NRK: variants seen among roughly 807,000 people sequenced by gnomAD.
NRK encodes Nik related kinase, also known as nik-related protein kinase.
NRK carries 67 observed loss-of-function variants against 125.2 expected under a neutral mutation model. That is an observed-to-expected ratio of 0.54 (90% CI 0.44 to 0.66). NRK has a LOEUF of 0.66. Ranked by LOEUF, NRK falls within the 30% of genes least tolerant of loss-of-function variation. The pLI, the probability that NRK is intolerant of heterozygous loss-of-function variation, is 0.00. For synonymous variants in NRK, 458 were observed against 429.0 expected (o/e 1.07, Z -0.84); for missense variants, 1,224 against 1,192.9 (o/e 1.03, Z -0.38).
intron 2 of NRK, among the ~76,000 whole-genome samples, chrX:105,866,131 G>C (rs1194147437): frequency 9.0e-6 from 1 of 110,750 alleles, no homozygotes; most frequent in Non-Finnish European, 1.9e-5. Context: ...ATTAGTGATA[G>C]AGGAGGTTTA....
intron 5 of NRK, among the ~76,000 whole-genome samples, chrX:105,890,831 C>A (rs189443188): frequency 9.0e-6 from 1 of 111,391 alleles, no homozygotes; most frequent in Non-Finnish European, 1.9e-5. Flanking sequence ...TGAGAAACAG[C>A]CAAACCATAT....
chrX:105,908,664 C>CT (rs1182449492), intron 12 of NRK, 63 bp from the exon 13 acceptor site: 3 of 1,126,076 alleles, frequency 2.7e-6, no homozygotes, highest in Non-Finnish European at 3.5e-6. Context: ...AACAATGCCC[C>CT]TGAATGGCTC....
At chrX:105,850,503 C>T (rs2039459067) in intron 2 of NRK, among the ~76,000 whole-genome samples, 1 of 112,457 alleles carries the variant, frequency 8.9e-6, no homozygotes, top group Admixed American at 9.4e-5. Flanking sequence ...GGTTTTTCTT[C>T]TCTGCTGCAT....
chrX:105,896,251 G>T (rs190737385), intron 7 of NRK, among the ~76,000 whole-genome samples: 2 of 111,778 alleles, frequency 1.8e-5, no homozygotes, highest in East Asian at 5.6e-4. Flanking sequence ...TCAGTACATT[G>T]TAGTGGCAGA....
chrX:105,942,388 A>G (rs2147790547), intron 23 of NRK, among the ~76,000 whole-genome samples: 1 of 111,703 alleles, frequency 9.0e-6, no homozygotes, highest in South Asian at 3.8e-4. Flanking sequence ...TATCCTTGTG[A>G]GCACTTGTAA....
chrX:105,923,771 T>C (rs1424840722), intron 18 of NRK, among the ~76,000 whole-genome samples: 9 of 106,642 alleles, frequency 8.4e-5, no homozygotes, highest in Admixed American at 4.1e-4. Flanking sequence ...CATCCTACTC[T>C]ATAAAACTAT....
At chrX:105,873,306 A>C (rs2039771884) in intron 2 of NRK, among the ~76,000 whole-genome samples, 1 of 111,506 alleles carries the variant, frequency 9.0e-6, no homozygotes, top group Admixed American at 9.5e-5. Context: ...CATGGTAATT[A>C]ACTGCTGCGG....
intron 1 of NRK, among the ~76,000 whole-genome samples, chrX:105,824,200 C>A (rs2039062035): frequency 1.8e-5 from 2 of 111,754 alleles, no homozygotes; most frequent in Admixed American, 9.5e-5. Flanking sequence ...ATTATTTATG[C>A]AGCTTCATAA....
At chrX:105,927,025 TG>T (rs1377964558) in intron 19 of NRK, among the ~76,000 whole-genome samples, 1 of 111,222 alleles carries the variant, frequency 9.0e-6, no homozygotes, top group African/African-American at 3.3e-5. Flanking sequence ...AGAATGTCAT[TG>T]GTATTTTCAT....
chrX:105,843,454 G>A (rs923313819), intron 2 of NRK, among the ~76,000 whole-genome samples: 6 of 112,210 alleles, frequency 5.3e-5, no homozygotes, highest in Admixed American at 3.8e-4. Context: ...ACTGAGTAAT[G>A]ACACCCTGTT....
At chrX:105,824,084 A>G (rs775474874) in intron 1 of NRK, among the ~76,000 whole-genome samples, 4 of 112,379 alleles carry the variant, frequency 3.6e-5, no homozygotes, top group African/African-American at 9.7e-5. Flanking sequence ...ATTAGATGCT[A>G]TATGTGGAGA....
At chrX:105,940,767 C>T (rs1313210888) in intron 23 of NRK, among the ~76,000 whole-genome samples, 1 of 111,545 alleles carries the variant, frequency 9.0e-6, no homozygotes, top group Non-Finnish European at 1.9e-5. Flanking sequence ...TACTCTCAGC[C>T]TTCTTTTGCT....
chrX:105,829,324 C>A (rs1317419143), intron 1 of NRK, among the ~76,000 whole-genome samples: 1 of 112,038 alleles, frequency 8.9e-6, no homozygotes, highest in Non-Finnish European at 1.9e-5. Context: ...TAATTTCATT[C>A]ATCTAAGTTG....
intron 27 of NRK, among the ~76,000 whole-genome samples, chrX:105,951,870 G>GAA (rs1228644157): frequency 8.9e-6 from 1 of 112,698 alleles, no homozygotes; most frequent in Non-Finnish European, 1.9e-5. Context: ...TTTAAGTTTA[G>GAA]AATTTTTGAT....
chrX:105,857,576 C>T (rs191089129), intron 2 of NRK, among the ~76,000 whole-genome samples: 2 of 111,157 alleles, frequency 1.8e-5, no homozygotes, highest in African/African-American at 6.5e-5. Flanking sequence ...TTGCAGAGAA[C>T]CTTATTTCTT....
intron 17 of NRK, 128 bp downstream of exon 17, chrX:105,922,189 T>C: frequency 5.3e-6 from 2 of 377,292 alleles, no homozygotes; most frequent in South Asian, 6.1e-5. Context: ...ATTTTAAGGA[T>C]AGATTCTCAT....
chrX:105,899,861 G>A (rs764755960), intron 8 of NRK, among the ~76,000 whole-genome samples: 2 of 110,216 alleles, frequency 1.8e-5, no homozygotes, highest in Non-Finnish European at 3.8e-5. Flanking sequence ...CTAGCTACTC[G>A]GGAGGCTGAG....
intron 19 of NRK, among the ~76,000 whole-genome samples, chrX:105,930,075 T>C (rs1007233247): frequency 2.7e-5 from 3 of 111,636 alleles, no homozygotes; most frequent in Non-Finnish European, 5.7e-5. Flanking sequence ...GAGTTGAATA[T>C]ATTTGATAAC....
chrX:105,919,704 C>A (rs1195804084), intron 16 of NRK, among the ~76,000 whole-genome samples: 1 of 111,505 alleles, frequency 9.0e-6, no homozygotes, highest in Admixed American at 9.5e-5. Flanking sequence ...TATTGAACTA[C>A]ATCTGGATAT....
Sources: allele counts gnomAD v4.1 joint callset (sites outside exome capture counted in the v4.1 genomes callset), GRCh38; gene constraint gnomAD v4.1.1; transcripts MANE v1.5; gene names NCBI Gene and HGNC (gene_info 2026-07-23, HGNC 2026-07-21).